RPS6KA2: variants seen among roughly 807,000 people sequenced by gnomAD.
The protein encoded by RPS6KA2 is ribosomal protein S6 kinase A2.
RPS6KA2 carries 42 observed loss-of-function variants against 91.8 expected under a neutral mutation model. The observed-to-expected ratio is 0.46, with a 90% confidence interval of 0.36 to 0.59. The LOEUF (loss-of-function observed/expected upper bound fraction) is 0.59. Among genes scored for constraint, RPS6KA2 ranks in the 20% least tolerant of loss-of-function variants. The probability of loss-of-function intolerance (pLI) is 0.00; values close to 1 mark genes in which losing one functional copy is unlikely to be tolerated. For missense variants in RPS6KA2, 798 were observed against 978.5 expected, an observed-to-expected ratio of 0.82 and a Z score of 2.46; for synonymous variants, 414 against 393.6, an observed-to-expected ratio of 1.05 and a Z score of -0.61.
chr6:166,809,833 G>T (rs889691456), intron 2 of RPS6KA2, among the ~76,000 whole-genome samples: 21 of 152,306 alleles, frequency 1.4e-4, no homozygotes, highest in African/African-American at 5.1e-4. Flanking sequence ...TCCTGAGAAC[G>T]TGTTCAACGC....
chr6:166,819,431 C>G (rs1156500331), intron 2 of RPS6KA2, among the ~76,000 whole-genome samples: 1 of 152,148 alleles, frequency 6.6e-6, no homozygotes, highest in Non-Finnish European at 1.5e-5. Flanking sequence ...TCTGCAACTA[C>G]TCAAGTCCCA....
At chr6:166,720,997 A>G (rs562126808) in intron 2 of RPS6KA2, among the ~76,000 whole-genome samples, 2 of 152,326 alleles carry the variant, frequency 1.3e-5, no homozygotes, top group South Asian at 2.1e-4. Flanking sequence ...GTCATCTTAC[A>G]TACACTTCAC....
Position 166,603,813 on chromosome 6 carries a change from C to T in RPS6KA2, c.99+23108G>A, listed in dbSNP as rs149028144. Among the ~76,000 whole-genome samples the T allele has an allele frequency of 9.5e-3, 1,451 of 152,222 alleles. 11 individuals carry two copies. The highest frequency in any genetic ancestry group is 0.014 in the Non-Finnish European group (972 of 67,994). On this transcript the variant is annotated intron_variant, in intron 1 of 20. Transcript: ENST00000265678. The surrounding 1 kb of genome is among the most constrained non-coding windows in gnomAD (Gnocchi z 4.3). ...ATAAATGCCCCCGTACTGTTGTTTG[C>T]GATAACAAGTCAGGGGTGTTAGAGG...
chr6:166,641,815 T>TA (rs916502348), intron 2 of RPS6KA2, among the ~76,000 whole-genome samples: 1 of 128,926 alleles, frequency 7.8e-6, no homozygotes, highest in Non-Finnish European at 1.6e-5. Context: ...AAAGAGTTGG[T>TA]AAAAGAGACG....
At chr6:166,783,269 G>C (rs886253721) in intron 2 of RPS6KA2, among the ~76,000 whole-genome samples, 4 of 151,780 alleles carry the variant, frequency 2.6e-5, no homozygotes, top group African/African-American at 7.3e-5. Flanking sequence ...CAGCAGATTT[G>C]AGTAAAGTAG....
At chr6:166,802,942 G>GTATATATA (rs975413398) in intron 2 of RPS6KA2, among the ~76,000 whole-genome samples, 1 of 116,124 alleles carries the variant, frequency 8.6e-6, no homozygotes, top group African/African-American at 3.3e-5. Flanking sequence ...ATGTGTGTGT[G>GTATATATA]TGTATATATA....
intron 2 of RPS6KA2, among the ~76,000 whole-genome samples, chr6:166,753,170 C>G (rs73788123): frequency 0.01 from 1,596 of 152,244 alleles, 21 homozygotes; most frequent in African/African-American, 0.036. Context: ...CTCCATCTAT[C>G]TTGTTCATGG....
At chr6:166,699,645 C>T (rs920425058) in intron 2 of RPS6KA2, among the ~76,000 whole-genome samples, 2 of 152,152 alleles carry the variant, frequency 1.3e-5, no homozygotes, top group African/African-American at 2.4e-5. Context: ...CACCCACACC[C>T]AACACAATTG....
chr6:166,742,410 T>C (rs1477493955), intron 2 of RPS6KA2, among the ~76,000 whole-genome samples: 2 of 152,132 alleles, frequency 1.3e-5, no homozygotes, highest in Non-Finnish European at 2.9e-5. Context: ...AGTTGTGTCA[T>C]AAGAGAGACA....
chr6:166,682,043 C>G (rs1280162060), intron 2 of RPS6KA2, among the ~76,000 whole-genome samples: 1 of 152,150 alleles, frequency 6.6e-6, no homozygotes, highest in East Asian at 1.9e-4. Flanking sequence ...ATAGTAAAAT[C>G]TGGTTCATTC....
intron 2 of RPS6KA2, among the ~76,000 whole-genome samples, chr6:166,736,046 G>A (rs79616963): frequency 3.9e-5 from 6 of 152,294 alleles, no homozygotes; most frequent in South Asian, 4.1e-4. Flanking sequence ...CAGACCCCTC[G>A]ACCAATGCAG....
chr6:166,646,935 C>T (rs1198764213), intron 2 of RPS6KA2, among the ~76,000 whole-genome samples: 1 of 152,192 alleles, frequency 6.6e-6, no homozygotes, highest in Non-Finnish European at 1.5e-5. Flanking sequence ...CCACTCCTCC[C>T]TCAGCTGCTC....
chr6:166,424,436 G>A (rs930936006), intron 16 of RPS6KA2, among the ~76,000 whole-genome samples: 3 of 150,204 alleles, frequency 2.0e-5, no homozygotes, highest in South Asian at 4.1e-4. Flanking sequence ...TCAGGACTAC[G>A]CACACAGCTG....
chr6:166,612,718 G>A lies in RPS6KA2; in HGVS notation c.99+14203C>T, dbSNP rs988860764. ...AGGAAAATGCTGAGTGAAGGTAACA[G>A]GACTGTGCAGTTGGGAAGCTCATCT... On this transcript the variant is annotated intron_variant, in intron 1 of 20. Transcript: ENST00000265678. This position sits in a 1 kb window ranked among gnomAD's most constrained non-coding sequence, Gnocchi z 4.3. Among the ~76,000 whole-genome samples the A allele has an allele frequency of 6.6e-6, 1 of 152,190 alleles. No homozygotes were observed. Among genetic ancestry groups the A allele is most frequent in the African/African-American group, 2.4e-5 (1 of 41,442 alleles).
In RPS6KA2 at chr6:166,726,725, C is replaced by T. The variant is rs372700441; in HGVS notation, c.123+131475G>A. On this transcript the variant is annotated intron_variant, in intron 2 of 21. Coordinates refer to the RPS6KA2 transcript ENST00000503859. The surrounding 1 kb of genome is among the most constrained non-coding windows in gnomAD (Gnocchi z 4.4). The stretch of plus-strand genomic sequence containing the variant: ...ACTCTTACAACTTCAGTTGCGATAC[C>T]GGTTTCCATAAGCTTCTGTGAATTC... 5.3e-5 allele frequency among the ~76,000 whole-genome samples: 8 copies of T among 152,320 alleles called. No individual in the cohort carries two copies. The East Asian group carries it at 1.3e-3, about 26-fold the overall frequency.
intron 2 of RPS6KA2, among the ~76,000 whole-genome samples, chr6:166,698,847 A>C (rs1236296256): frequency 1.3e-5 from 2 of 152,090 alleles, no homozygotes; most frequent in African/African-American, 4.8e-5. Context: ...GAGGCAAGAG[A>C]ATGTGCTCAA....
chr6:166,490,546 T>G lies in RPS6KA2; in HGVS notation c.818+125A>C. On this transcript the variant is annotated intron_variant, in intron 9 of 20. Transcript: ENST00000265678. The surrounding 1 kb of genome is among the most constrained non-coding windows in gnomAD (Gnocchi z 4.2). ...AACCAGTGACTTTTAGAAAACAGCT[T>G]ACAATACTTTGGCACTGTAAGCCTA... 1.4e-6 allele frequency: 1 copy of G among 721,548 alleles called. No homozygotes were observed. The highest frequency in any genetic ancestry group is 2.5e-5 in the Admixed American group (1 of 40,536). The allele number at this position is 721,548 out of a possible 1,614,324, so 44.7% of individuals were successfully genotyped here. A position where few individuals can be genotyped will look rare whatever the true frequency, so the allele number is the denominator to read the frequency against.
intron 2 of RPS6KA2, among the ~76,000 whole-genome samples, chr6:166,805,853 A>G (rs903041568): frequency 4.8e-5 from 7 of 146,650 alleles, no homozygotes; most frequent in Non-Finnish European, 8.8e-5. Flanking sequence ...AGATGCTTGA[A>G]GAACTAAAGG....
chr6:166,418,467 G>T lies in RPS6KA2; in HGVS notation c.1821-125C>A. The T allele has an allele frequency of 1.4e-6, 1 of 736,828 alleles. No homozygotes were observed. Among genetic ancestry groups the T allele is most frequent in the Non-Finnish European group, 2.4e-6 (1 of 419,260 alleles). The allele number at this position is 736,828 out of a possible 1,614,324, so 45.6% of individuals were successfully genotyped here. ...ACTTTGCTTCTCCCTCCTCTGCTCT[G>T]AAGCCAGGATTCATGGGAAAGCGGA... On this transcript the variant is annotated intron_variant, in intron 18 of 20. Transcript: ENST00000265678. The surrounding 1 kb of genome is among the most constrained non-coding windows in gnomAD (Gnocchi z 4.9).
Sources: gnomAD v4.1 joint callset for allele counts (sites outside exome capture counted in the v4.1 genomes callset) on GRCh38, gnomAD v4.1.1 for gene constraint, Gnocchi (gnomAD v3.1) non-coding constraint, MANE v1.5 for transcripts, NCBI Gene and HGNC (gene_info 2026-07-23, HGNC 2026-07-21) for gene names.